LUZP2: variants seen among roughly 807,000 people sequenced by gnomAD.
The protein encoded by LUZP2 is leucine zipper protein 2.
LUZP2 carries 52 observed loss-of-function variants against 51.6 expected under a neutral mutation model. That is an observed-to-expected ratio of 1.01 (90% CI 0.81 to 1.27). LUZP2 has a LOEUF of 1.27. Among genes scored for constraint, LUZP2 ranks in the 50% most tolerant of loss-of-function variants. The pLI is 0.00. For missense variants in LUZP2, 436 were observed against 395.4 expected (o/e 1.10, Z -0.87); for synonymous variants, 154 against 137.3 (o/e 1.12, Z -0.85).
chr11:24,995,027 A>G (rs1207978857), intron 9 of LUZP2, among the ~76,000 whole-genome samples: 1 of 152,174 alleles, frequency 6.6e-6, no homozygotes, highest in Admixed American at 6.5e-5. Context: ...TTCATTTTTC[A>G]TTGTCATACA....
intron 5 of LUZP2, among the ~76,000 whole-genome samples, chr11:24,851,876 T>C (rs1851404541): frequency 6.6e-6 from 1 of 152,190 alleles, no homozygotes; most frequent in Non-Finnish European, 1.5e-5. Context: ...AATTTATCCA[T>C]TTCTTTTAGA....
chr11:24,607,374 T>A (rs1044391970), intron 1 of LUZP2, among the ~76,000 whole-genome samples: 1 of 133,320 alleles, frequency 7.5e-6, no homozygotes, highest in African/African-American at 2.9e-5. Context: ...TTTTTTTGCT[T>A]GTGGATATAG....
At chr11:24,503,775 G>T (rs1850071617) in intron 1 of LUZP2, among the ~76,000 whole-genome samples, 1 of 152,142 alleles carries the variant, frequency 6.6e-6, no homozygotes, top group Non-Finnish European at 1.5e-5. Context: ...TTATGTGAAT[G>T]TTCACTATGA....
rs145895197 is a variant in LUZP2, at chr11:24,890,795, A to G, written c.397-15196A>G. 5.7e-4 allele frequency: 289 copies of G among 503,802 alleles called. No homozygotes were observed. In the African/African-American group the frequency reaches 5.8e-3, roughly 10 times the overall value. 31.2% of individuals were successfully genotyped at this position (503,802 alleles called of 1,614,324 possible). ...AATTTGTGCAAATAAGAAAATACATATGTACATATTTATATGAATATGCTA... is the reference window on the plus strand; with the variant it reads ...AATTTGTGCAAATAAGAAAATACATGTGTACATATTTATATGAATATGCTA... On this transcript the variant is annotated intron_variant, in intron 5 of 11. Transcript: ENST00000336930.
At chr11:25,073,431 G>T (rs867702980) in intron 10 of LUZP2, among the ~76,000 whole-genome samples, 2 of 152,110 alleles carry the variant, frequency 1.3e-5, no homozygotes, top group East Asian at 3.9e-4. Flanking sequence ...GAGAATCTCC[G>T]GAACACATTC....
At chr11:24,876,510 ATAGT>A (rs1852267882) in intron 5 of LUZP2, among the ~76,000 whole-genome samples, 1 of 148,196 alleles carries the variant, frequency 6.7e-6, no homozygotes, top group African/African-American at 2.5e-5. Context: ...GCCTTGTAGT[ATAGT>A]TTGAAGTCAG....
chr11:24,944,127 T>C (rs1477212548), intron 7 of LUZP2, among the ~76,000 whole-genome samples: 4 of 152,162 alleles, frequency 2.6e-5, no homozygotes, highest in African/African-American at 9.7e-5. Flanking sequence ...TTTAGAATCA[T>C]CTGAAGATCT....
intron 4 of LUZP2, among the ~76,000 whole-genome samples, chr11:24,760,191 G>A (rs1859931031): frequency 6.6e-6 from 1 of 152,190 alleles, no homozygotes; most frequent in Admixed American, 6.5e-5. Context: ...GTTAAGATAA[G>A]TGGTTGTGTT....
chr11:24,891,958 C>T, intron 5 of LUZP2: 1 of 985,612 alleles, frequency 1.0e-6, no homozygotes, highest in Non-Finnish European at 1.2e-6. Flanking sequence ...CTTTGATTAT[C>T]AGCAGGGTGT....
At chr11:24,720,533 C>T (rs1858226910) in intron 1 of LUZP2, among the ~76,000 whole-genome samples, 1 of 152,094 alleles carries the variant, frequency 6.6e-6, no homozygotes. Flanking sequence ...TGAACCAATG[C>T]ATTTATTAGA....
intron 7 of LUZP2, among the ~76,000 whole-genome samples, chr11:24,970,051 G>A (rs1260921618): frequency 6.6e-6 from 1 of 152,102 alleles, no homozygotes; most frequent in African/African-American, 2.4e-5. Context: ...TATAAAATCT[G>A]TTAGAATTTT....
chr11:24,705,187 A>G (rs1857539046), intron 1 of LUZP2, among the ~76,000 whole-genome samples: 1 of 152,122 alleles, frequency 6.6e-6, no homozygotes, highest in Non-Finnish European at 1.5e-5. Context: ...TCTTCCTACA[A>G]CTACATTTGT....
At chr11:25,026,278 C>T (rs1334657331) in intron 9 of LUZP2, among the ~76,000 whole-genome samples, 1 of 151,634 alleles carries the variant, frequency 6.6e-6, no homozygotes, top group Non-Finnish European at 1.5e-5. Flanking sequence ...GTACCCTAGA[C>T]CTTAAAGTAT....
intron 1 of LUZP2, among the ~76,000 whole-genome samples, chr11:24,637,197 C>T (rs773730970): frequency 1.8e-4 from 27 of 151,656 alleles, no homozygotes; most frequent in Admixed American, 1.3e-4. Flanking sequence ...ACAGAGAGAT[C>T]GGCTGGAGCC....
intron 9 of LUZP2, among the ~76,000 whole-genome samples, chr11:24,986,441 T>C (rs1442819734): frequency 6.6e-6 from 1 of 151,446 alleles, no homozygotes; most frequent in African/African-American, 2.4e-5. Context: ...GACATCATGT[T>C]ATCAGATTGA....
At chr11:24,792,417 C>G (rs1849433706) in intron 5 of LUZP2, among the ~76,000 whole-genome samples, 1 of 148,786 alleles carries the variant, frequency 6.7e-6, no homozygotes, top group Non-Finnish European at 1.5e-5. Context: ...CAGAGCAAGA[C>G]TCTGTCTCAA....
At chr11:24,661,415 C>CT (rs1856017215) in intron 1 of LUZP2, among the ~76,000 whole-genome samples, 1 of 152,162 alleles carries the variant, frequency 6.6e-6, no homozygotes, top group Non-Finnish European at 1.5e-5. Flanking sequence ...CACCTGCTGC[C>CT]TTTTTAAAAC....
intron 1 of LUZP2, among the ~76,000 whole-genome samples, chr11:24,505,139 C>A (rs900349973): frequency 2.0e-5 from 3 of 152,120 alleles, no homozygotes; most frequent in Non-Finnish European, 4.4e-5. Flanking sequence ...CATCTCATGT[C>A]CCCTGTGGAG....
At chr11:24,836,347 G>A (rs1433570496) in intron 5 of LUZP2, among the ~76,000 whole-genome samples, 1 of 151,312 alleles carries the variant, frequency 6.6e-6, no homozygotes, top group Non-Finnish European at 1.5e-5. Context: ...ATCCCAAATG[G>A]GATTTAAAGG....
Sources: allele counts gnomAD v4.1 joint callset (sites outside exome capture counted in the v4.1 genomes callset), GRCh38; gene constraint gnomAD v4.1.1; transcripts MANE v1.5; gene names NCBI Gene and HGNC (gene_info 2026-07-23, HGNC 2026-07-21).